Variants in QSER1 observed in about 807,000 individuals in gnomAD.
QSER1 encodes glutamine and serine-rich protein 1.
QSER1 carries 49 observed loss-of-function variants against 158.5 expected under a neutral mutation model. The ratio of observed to expected loss-of-function variants is 0.31; its 90% CI spans 0.25 to 0.39. QSER1 has a LOEUF of 0.39. QSER1 is among the 10% of genes least tolerant of loss of function. QSER1 has a pLI of 1.00. For missense variants in QSER1, 1,754 were observed against 2,010.3 expected, an observed-to-expected ratio of 0.87 and a Z score of 2.44; for synonymous variants, 650 against 715.5, an observed-to-expected ratio of 0.91 and a Z score of 1.46.
chr11:32,894,476 G>C (rs1851529705), intron 1 of QSER1, among the ~76,000 whole-genome samples: 1 of 152,196 alleles, frequency 6.6e-6, no homozygotes, highest in Non-Finnish European at 1.5e-5. Flanking sequence ...GATCTCATCA[G>C]ATTTCTTCAT....
At chr11:32,907,228 A>G (rs1851706322) in intron 1 of QSER1, among the ~76,000 whole-genome samples, 1 of 152,214 alleles carries the variant, frequency 6.6e-6, no homozygotes, top group African/African-American at 2.4e-5. Flanking sequence ...AGAACAGCAC[A>G]TTGAGTATAA....
intron 1 of QSER1, among the ~76,000 whole-genome samples, chr11:32,898,354 C>T (rs1026828741): frequency 1.3e-5 from 2 of 152,044 alleles, no homozygotes; most frequent in Non-Finnish European, 2.9e-5. Flanking sequence ...TGCATGGTGG[C>T]GTGCGCCTGT....
intron 8 of QSER1, among the ~76,000 whole-genome samples, chr11:32,958,303 C>T (rs766927949): frequency 2.0e-5 from 3 of 152,048 alleles, no homozygotes; most frequent in Non-Finnish European, 4.4e-5. Flanking sequence ...ATAGAAAAGG[C>T]AGAACTTACC....
At position 32,932,274 on chromosome 11, in the gene QSER1, A is replaced by G; in HGVS notation, c.1016A>G (p.His339Arg). Residue 339 changes from histidine to arginine, a missense_variant, in exon 4 of 13, where the codon CAC (histidine) becomes CGC (arginine). This residue lies in a region of QSER1 where 1,707 missense variants were observed against 1,919.6 expected (regional missense o/e 0.89). Coordinates refer to ENST00000650167, the MANE Select transcript of QSER1 (RefSeq NM_001076786.3). ...SIQAQLTGSQ[H>R]SLHSYLSNSS... is the part of the protein sequence containing the mutation. ...CAGGCACAACTGACTGGTTCACAGC[A>G]CTCCTTACATAGTTATCTATCAAAT... The G allele has an allele frequency of 1.2e-6, 2 of 1,613,986 alleles. No homozygotes were observed. The highest frequency in any genetic ancestry group is 1.7e-6 in the Non-Finnish European group (2 of 1,180,024).
intron 8 of QSER1, among the ~76,000 whole-genome samples, chr11:32,964,825 A>G (rs1157726473): frequency 6.6e-6 from 1 of 151,108 alleles, no homozygotes; most frequent in Admixed American, 6.6e-5. Context: ...AACATTAAAA[A>G]TATTTTAAAA....
At position 32,978,724 on chromosome 11, in the gene QSER1, T is replaced by A. The variant is rs117974426; in HGVS notation, c.*2250T>A. 1 of 152,222 alleles carries A rather than the reference T, an allele frequency of 6.6e-6. No homozygotes were observed. Among genetic ancestry groups the A allele is most frequent in the Non-Finnish European group, 1.5e-5 (1 of 68,046 alleles). The allele number at this position is 152,222 out of a possible 1,614,324, so 9.4% of individuals were successfully genotyped here. ...ATAATATGGGAGGCCAAGTCTATGA[T>A]ACTGCCTCAAAGAGACCCTATTGTG... On this transcript the variant is annotated 3_prime_UTR_variant, in exon 13 of 13. Transcript: ENST00000650167.
At chr11:32,975,172 A>T in intron 11 of QSER1, 76 bp from the exon 12 acceptor site, 1 of 1,015,610 alleles carries the variant, frequency 9.8e-7, no homozygotes, top group Non-Finnish European at 1.4e-6. Flanking sequence ...GAGACTTTTG[A>T]TCTAGTATTT....
chr11:32,946,774 G>T (rs934100397), intron 4 of QSER1, among the ~76,000 whole-genome samples: 1 of 151,810 alleles, frequency 6.6e-6, no homozygotes, highest in South Asian at 2.1e-4. Context: ...CAAGCTTCCC[G>T]GCTGCTTTGT....
intron 12 of QSER1, among the ~76,000 whole-genome samples, chr11:32,975,949 G>C (rs1204866697): frequency 6.6e-6 from 1 of 152,158 alleles, no homozygotes; most frequent in Non-Finnish European, 1.5e-5. Flanking sequence ...AGGGTCCAAG[G>C]CTATATCTAA....
At chr11:32,958,306 A>C (rs1027289737) in intron 8 of QSER1, among the ~76,000 whole-genome samples, 4 of 152,216 alleles carry the variant, frequency 2.6e-5, no homozygotes. Context: ...GAAAAGGCAG[A>C]ACTTACCTTA....
rs1334055908 is a variant in QSER1 at position 32,935,288 on chromosome 11, A to G, written c.4030A>G (p.Lys1344Glu). 6 of 1,614,026 alleles carry G rather than the reference A, an allele frequency of 3.7e-6. No homozygotes were observed. The East Asian group carries it at 1.1e-4, about 30-fold the overall frequency. Reference protein sequence around the residue: ...SETGGNSPSDKVDNELKNLEH... With the variant: ...SETGGNSPSDEVDNELKNLEH... The stretch of plus-strand genomic sequence containing the variant: ...AACTGGCGGTAACAGTCCATCAGAT[A>G]AAGTTGATAATGAACTTAAAAACTT... The change falls in exon 4 of 13, where the codon AAA becomes GAA. Residue 1344 changes from lysine to glutamate, a missense_variant. This residue lies in a region of QSER1 where 1,707 missense variants were observed against 1,919.6 expected (regional missense o/e 0.89). Transcript: ENST00000650167.
rs1459274239 is a variant in QSER1, at chr11:32,967,310, T to C, written c.5107+873T>C. On this transcript the variant is annotated intron_variant, in intron 9 of 12. Coordinates refer to ENST00000650167, the MANE Select transcript of QSER1 (RefSeq NM_001076786.3). ...CAAAGGCAGCGTGGTATAATGGACA[T>C]TGGAGACTCAGAAGGGGAGAGGGTG... 2.0e-5 allele frequency among the ~76,000 whole-genome samples: 3 copies of C among 152,038 alleles called. No individual in the cohort carries two copies. The East Asian group carries it at 5.8e-4, about 29-fold the overall frequency.
At chr11:32,913,687 G>T (rs572382474) in intron 1 of QSER1, among the ~76,000 whole-genome samples, 7 of 152,296 alleles carry the variant, frequency 4.6e-5, no homozygotes, top group African/African-American at 1.7e-4. Flanking sequence ...CATTCATTAT[G>T]CGCCAGTTGC....
At chr11:32,957,244 C>T (rs984039987) in intron 7 of QSER1, among the ~76,000 whole-genome samples, 11 of 149,370 alleles carry the variant, frequency 7.4e-5, no homozygotes, top group African/African-American at 1.5e-4. Flanking sequence ...CGGGTTCAAG[C>T]GATTCTCCTG....
At position 32,935,555 on chromosome 11, in the gene QSER1, T is replaced by C. The variant is rs1852140270; in HGVS notation, c.4177+120T>C. On this transcript the variant is annotated intron_variant, in intron 4 of 12. Coordinates refer to ENST00000650167, the MANE Select transcript of QSER1 (RefSeq NM_001076786.3). Reference sequence around the variant, plus strand: ...GCAAGTACATTTTCAGGACAAAATGTATAGGTAGGTATCTTAAGGACTTAT... The same window carrying C: ...GCAAGTACATTTTCAGGACAAAATGCATAGGTAGGTATCTTAAGGACTTAT... 5.7e-6 allele frequency: 4 copies of C among 705,602 alleles called. No individual in the cohort carries two copies. The Admixed American group carries it at 9.1e-5, about 16-fold the overall frequency. 43.7% of individuals were successfully genotyped at this position (705,602 alleles called of 1,614,324 possible). A position where few individuals can be genotyped will look rare whatever the true frequency, so the allele number is the denominator to read the frequency against.
At chr11:32,950,364 G>C (rs866860053) in intron 4 of QSER1, among the ~76,000 whole-genome samples, 1 of 152,056 alleles carries the variant, frequency 6.6e-6, no homozygotes, top group African/African-American at 2.4e-5. Flanking sequence ...AAAGTGCTGG[G>C]ATTACAGGCA....
At chr11:32,928,311 GT>G (rs1423952382) in intron 3 of QSER1, among the ~76,000 whole-genome samples, 188 bp downstream of exon 3, 1 of 152,080 alleles carries the variant, frequency 6.6e-6, no homozygotes, top group East Asian at 1.9e-4. Flanking sequence ...CAGAAATTTA[GT>G]TTTAGCATTC....
Position 32,933,866 on chromosome 11 carries a change from C to A in QSER1, c.2608C>A (p.Leu870Met), listed in dbSNP as rs770583013. 6.2e-7 allele frequency: 1 copy of A among 1,613,358 alleles called. No homozygotes were observed. Among genetic ancestry groups the A allele is most frequent in the East Asian group, 2.2e-5 (1 of 44,888 alleles). ...TTTACAAATTCTTCAGCAGTCAATA[C>A]TGCAGGCAGGTTTAGGTCAAGTAAA... The part of the protein sequence containing the change: ...CDLQILQQSI[L>M]QAGLGQVKAS... The change falls in exon 4 of 13, where the codon CTG becomes ATG. Residue 870 changes from leucine (L) to methionine (M), a missense_variant. Around this residue, in one of 2 missense-constraint regions of QSER1, gnomAD observed 1,707 missense variants for 1,919.6 expected, o/e 0.89. Coordinates refer to ENST00000650167, the MANE Select transcript of QSER1 (RefSeq NM_001076786.3).
chr11:32,954,892 A>G (rs773566626), intron 5 of QSER1, among the ~76,000 whole-genome samples: 3 of 152,250 alleles, frequency 2.0e-5, no homozygotes, highest in Non-Finnish European at 4.4e-5. Flanking sequence ...TGCAGTGAAG[A>G]ATCCAACATT....
Sources: allele counts gnomAD v4.1 joint callset (sites outside exome capture counted in the v4.1 genomes callset), GRCh38; gene constraint gnomAD v4.1.1; regional missense constraint gnomAD v4.1.1; transcripts MANE v1.5; gene names NCBI Gene and HGNC (gene_info 2026-07-23, HGNC 2026-07-21).